Variants in NDUFA10 observed in about 807,000 individuals in gnomAD.
NDUFA10 encodes NADH dehydrogenase [ubiquinone] 1 alpha subcomplex subunit 10, mitochondrial.
In NDUFA10, 40 loss-of-function variants were observed where a neutral mutation model predicts 47.8. That is an observed-to-expected ratio of 0.84 (90% CI 0.65 to 1.09). The LOEUF (loss-of-function observed/expected upper bound fraction) is 1.09, where lower values mean the gene tolerates loss of function less well. Among genes scored for constraint, NDUFA10 ranks in the 50% least tolerant of loss-of-function variants. NDUFA10 has a pLI of 0.00. For missense variants in NDUFA10, 413 were observed against 451.1 expected (o/e 0.92, Z 0.76); for synonymous variants, 183 against 172.2 (o/e 1.06, Z -0.49).
In NDUFA10 at chr2:240,016,509, A is replaced by G. The variant is rs1220597974; in HGVS notation, c.548-1649T>C. 1.3e-5 allele frequency among the ~76,000 whole-genome samples: 2 copies of G among 152,102 alleles called. No homozygotes were observed. The highest frequency in any genetic ancestry group is 2.9e-5 in the Non-Finnish European group (2 of 68,024). On this transcript the variant is annotated intron_variant, in intron 4 of 9. Coordinates refer to ENST00000252711, the MANE Select transcript of NDUFA10 (RefSeq NM_004544.4). The surrounding 1 kb of genome is among the most constrained non-coding windows in gnomAD (Gnocchi z 4.4). Reference sequence around the variant, plus strand: ...CAGCACTCAAACGACTCTGGCTAACATCACCAGCCCCCGAAAGGTGAAACG... The same window carrying G: ...CAGCACTCAAACGACTCTGGCTAACGTCACCAGCCCCCGAAAGGTGAAACG...
intron 4 of NDUFA10, among the ~76,000 whole-genome samples, chr2:239,922,327 G>T (rs1381936456): frequency 7.9e-5 from 12 of 152,148 alleles, no homozygotes; most frequent in Admixed American, 7.9e-4. Flanking sequence ...TGGCTGGGCA[G>T]CCTGGGAGCC....
intron 8 of NDUFA10, among the ~76,000 whole-genome samples, chr2:240,001,668 GGTCT>G (rs1444604187): frequency 2.0e-5 from 3 of 152,076 alleles, no homozygotes; most frequent in Admixed American, 6.6e-5. Flanking sequence ...TTCTCCTCTT[GGTCT>G]CCATCACCTA....
chr2:239,925,182 A>T (rs1363338062), intron 4 of NDUFA10, among the ~76,000 whole-genome samples: 1 of 152,206 alleles, frequency 6.6e-6, no homozygotes, highest in Non-Finnish European at 1.5e-5. Flanking sequence ...GATGTGAATA[A>T]GCATATCTTA....
chr2:239,921,052 CCT>C (rs1179656067), intron 4 of NDUFA10, among the ~76,000 whole-genome samples: 1 of 152,130 alleles, frequency 6.6e-6, no homozygotes, highest in Non-Finnish European at 1.5e-5. Flanking sequence ...AGCCAGAGCC[CCT>C]GTCCCACAGG....
At chr2:239,919,127 C>T (rs1338324087) in intron 4 of NDUFA10, among the ~76,000 whole-genome samples, 4 of 152,208 alleles carry the variant, frequency 2.6e-5, no homozygotes, top group Non-Finnish European at 5.9e-5. Flanking sequence ...CTGACACCCA[C>T]TGCTGAGGAG....
intron 4 of NDUFA10, among the ~76,000 whole-genome samples, chr2:239,943,445 C>T (rs1694393662): frequency 1.3e-5 from 2 of 152,228 alleles, no homozygotes; most frequent in South Asian, 4.1e-4. Flanking sequence ...AGTGATCCTC[C>T]CGCCTCAGCC....
At chr2:239,993,199 G>A (rs1023569035) in intron 8 of NDUFA10, among the ~76,000 whole-genome samples, 6 of 152,144 alleles carry the variant, frequency 3.9e-5, no homozygotes, top group Non-Finnish European at 5.9e-5. Context: ...GTGCAGAATC[G>A]AACCAACACA....
At chr2:239,939,102 G>A (rs954055422) in intron 4 of NDUFA10, among the ~76,000 whole-genome samples, 5 of 152,330 alleles carry the variant, frequency 3.3e-5, no homozygotes, top group South Asian at 2.1e-4. Context: ...GGCCCTGAGC[G>A]CCCAGGCGTG....
chr2:239,960,640 T>A lies in NDUFA10; in HGVS notation c.*478A>T, dbSNP rs111927644. On this transcript the variant is annotated 3_prime_UTR_variant, in exon 10 of 10. Transcript: ENST00000252711. Reference sequence around the variant, plus strand: ...AAAACTCTTCAGCATAATGTAAGCCTCAATTAAACCACACCACACCAAACA... The same window carrying A: ...AAAACTCTTCAGCATAATGTAAGCCACAATTAAACCACACCACACCAAACA... The A allele has an allele frequency of 2.2e-5, 23 of 1,049,096 alleles. No homozygotes were observed. In the African/African-American group the frequency reaches 3.4e-4, roughly 16 times the overall value. 65.0% of individuals were successfully genotyped at this position (1,049,096 alleles called of 1,614,324 possible).
intron 2 of NDUFA10, among the ~76,000 whole-genome samples, chr2:240,021,941 C>T (rs2106503750): frequency 6.6e-6 from 1 of 152,318 alleles, no homozygotes; most frequent in South Asian, 2.1e-4. Context: ...TTCAAATTGA[C>T]AACCAGCATG....
chr2:239,961,066 C>T lies in NDUFA10; in HGVS notation c.*52G>A. On this transcript the variant is annotated 3_prime_UTR_variant, in exon 10 of 10. Coordinates refer to ENST00000252711, the MANE Select transcript of NDUFA10 (RefSeq NM_004544.4). ...CTATATGGCGTCCAGGAGAGTGCGG[C>T]TGATGCAGCTTGGCCATCACTGTGA... 1 of 1,613,104 alleles carries T rather than the reference C, an allele frequency of 6.2e-7. No homozygotes were observed. Among genetic ancestry groups the T allele is most frequent in the Non-Finnish European group, 8.5e-7 (1 of 1,179,668 alleles).
intron 4 of NDUFA10, among the ~76,000 whole-genome samples, chr2:239,920,016 G>A (rs1693941642): frequency 6.6e-6 from 1 of 152,108 alleles, no homozygotes; most frequent in Non-Finnish European, 1.5e-5. Context: ...GAGATTGGGG[G>A]CCCCCTCACC....
chr2:239,909,797 A>C (rs763374715), intron 4 of NDUFA10, among the ~76,000 whole-genome samples: 1 of 152,196 alleles, frequency 6.6e-6, no homozygotes, highest in African/African-American at 2.4e-5. Flanking sequence ...GAAACTATCT[A>C]TCATCAGAGT....
At chr2:239,913,654 G>A (rs1693791977) in intron 4 of NDUFA10, among the ~76,000 whole-genome samples, 1 of 152,240 alleles carries the variant, frequency 6.6e-6, no homozygotes, top group African/African-American at 2.4e-5. Context: ...CGTCTGTGCA[G>A]GCCTTCTGCC....
intron 3 of NDUFA10, 88 bp downstream of exon 3, chr2:240,021,109 A>G (rs1697599840): frequency 9.0e-7 from 1 of 1,114,628 alleles, no homozygotes; most frequent in Admixed American, 1.9e-5. Flanking sequence ...CCTTAAAGGA[A>G]AGCTCGACTC....
At chr2:239,900,032 T>C (rs1693515182) in intron 4 of NDUFA10, among the ~76,000 whole-genome samples, 1 of 151,946 alleles carries the variant, frequency 6.6e-6, no homozygotes. Flanking sequence ...GAAAGTGGAA[T>C]GAGCAGACTT....
intron 4 of NDUFA10, among the ~76,000 whole-genome samples, chr2:239,939,672 A>G (rs1694327156): frequency 6.6e-6 from 1 of 152,244 alleles, no homozygotes; most frequent in Admixed American, 6.5e-5. Flanking sequence ...CCACATCGAC[A>G]AGGAAGGGAC....
chr2:240,004,837 CCT>C (rs948247981), intron 8 of NDUFA10, among the ~76,000 whole-genome samples: 3 of 152,182 alleles, frequency 2.0e-5, no homozygotes, highest in Non-Finnish European at 2.9e-5. Flanking sequence ...TACTCACCAC[CCT>C]GTTACTCAGG....
intron 4 of NDUFA10, chr2:239,943,074 T>C (rs1163237991): frequency 2.6e-5 from 4 of 154,410 alleles, no homozygotes; most frequent in African/African-American, 9.6e-5. Context: ...GTGCATCCAG[T>C]CCTGGTCTCA....
Sources: allele counts gnomAD v4.1 joint callset (sites outside exome capture counted in the v4.1 genomes callset), GRCh38; gene constraint gnomAD v4.1.1; non-coding constraint Gnocchi (gnomAD v3.1); transcripts MANE v1.5; gene names NCBI Gene and HGNC (gene_info 2026-07-23, HGNC 2026-07-21).